ITGA11: variants seen among roughly 807,000 people sequenced by gnomAD.
ITGA11 encodes integrin subunit alpha 11, also known as integrin alpha-11.
Under a neutral mutation model 141.9 loss-of-function variants are expected in ITGA11, and 97 were observed. The ratio of observed to expected loss-of-function variants is 0.68; its 90% CI spans 0.58 to 0.81. ITGA11 has a LOEUF of 0.81. ITGA11 is among the 30% of genes least tolerant of loss of function. The pLI, the probability that ITGA11 is intolerant of heterozygous loss-of-function variation, is 0.00. For synonymous variants in ITGA11, 658 were observed against 624.6 expected (o/e 1.05, Z -0.80); for missense variants, 1,387 against 1,559.2 (o/e 0.89, Z 1.86).
intron 4 of ITGA11, 110 bp from the exon 5 acceptor site, chr15:68,361,814 C>CTGAGGGG: frequency 1.4e-6 from 1 of 708,808 alleles, no homozygotes; most frequent in Non-Finnish European, 2.4e-6. Context: ...AGACTTCTAT[C>CTGAGGGG]TGAGGGGTGA....
chr15:68,328,307 G>T lies in ITGA11; in HGVS notation c.1902-45C>A. The T allele has an allele frequency of 6.4e-7, 1 of 1,553,850 alleles. No homozygotes were observed. Among genetic ancestry groups the T allele is most frequent in the Non-Finnish European group, 8.8e-7 (1 of 1,135,824 alleles). ...GAGCTGGGGTGGGGCAGGGGCTCAG[G>T]CTGCCCTGCTGTGACCATGGGGAAA... On this transcript the variant is annotated intron_variant, in intron 15 of 29. Transcript: ENST00000315757. This position sits in a 1 kb window ranked among gnomAD's most constrained non-coding sequence, Gnocchi z 4.8.
chr15:68,296,910 A>C lies in ITGA11; in HGVS notation c.*6149T>G, dbSNP rs1892921746. 6.6e-6 allele frequency: 1 copy of C among 151,326 alleles called. No homozygotes were observed. Among genetic ancestry groups the C allele is most frequent in the African/African-American group, 2.4e-5 (1 of 41,074 alleles). 9.4% of individuals were successfully genotyped at this position (151,326 alleles called of 1,614,324 possible). Reference sequence around the variant, plus strand: ...TTTCTCCTTCTCTTCTTTGGTTTAAAATGTTGATTTTCCTATAATTTGTTT... The same window carrying C: ...TTTCTCCTTCTCTTCTTTGGTTTAACATGTTGATTTTCCTATAATTTGTTT... On this transcript the variant is annotated 3_prime_UTR_variant, in exon 30 of 30. Coordinates refer to ENST00000315757, the MANE Select transcript of ITGA11 (RefSeq NM_001004439.2).
chr15:68,412,594 C>T (rs1313681539), intron 1 of ITGA11, among the ~76,000 whole-genome samples: 1 of 151,982 alleles, frequency 6.6e-6, no homozygotes, highest in African/African-American at 2.4e-5. Flanking sequence ...ACACGAACTC[C>T]CCGTTAGACA....
At chr15:68,361,741 G>C in intron 4 of ITGA11, 37 bp from the exon 5 acceptor site, 2 of 1,434,988 alleles carry the variant, frequency 1.4e-6, no homozygotes, top group Non-Finnish European at 1.9e-6. Context: ...TCAGTGAGGG[G>C]ACCTCAGAGA....
At chr15:68,379,145 T>TCGTCTATC (rs1172523753) in intron 2 of ITGA11, among the ~76,000 whole-genome samples, 1 of 152,184 alleles carries the variant, frequency 6.6e-6, no homozygotes, top group Non-Finnish European at 1.5e-5. Context: ...ACGCGGCTGC[T>TCGTCTATC]CGTCTATCCG....
rs953391816 is a variant in ITGA11 at position 68,328,950 on chromosome 15, G to A, written c.1902-688C>T. On this transcript the variant is annotated intron_variant, in intron 15 of 29. Coordinates refer to ENST00000315757, the MANE Select transcript of ITGA11 (RefSeq NM_001004439.2). This position sits in a 1 kb window ranked among gnomAD's most constrained non-coding sequence, Gnocchi z 4.8. ...GAAATACAAATTTACCCTTATACCG[G>A]CCTAAGTCAAATGTAATTAGGAACG... Among the ~76,000 whole-genome samples, 1 of 152,130 alleles carries A rather than the reference G, an allele frequency of 6.6e-6. No homozygotes were observed. Among genetic ancestry groups the A allele is most frequent in the Non-Finnish European group, 1.5e-5 (1 of 68,028 alleles).
At chr15:68,369,362 T>G in intron 2 of ITGA11, 78 bp from the exon 3 acceptor site, 2 of 242,522 alleles carry the variant, frequency 8.2e-6, no homozygotes, top group Non-Finnish European at 7.7e-6. Flanking sequence ...TGGTGGGCAG[T>G]GTGGAGGTGA....
intron 2 of ITGA11, among the ~76,000 whole-genome samples, chr15:68,370,121 C>T (rs1448428254): frequency 2.6e-5 from 4 of 152,170 alleles, no homozygotes; most frequent in Non-Finnish European, 4.4e-5. Context: ...GAGTGCGGAC[C>T]TGGTGCTGCT....
chr15:68,307,299 C>G lies in ITGA11; in HGVS notation c.3381+49G>C. 1 of 1,372,232 alleles carries G rather than the reference C, an allele frequency of 7.3e-7. No individual in the cohort carries two copies. Among genetic ancestry groups the G allele is most frequent in the South Asian group, 1.2e-5 (1 of 80,312 alleles). The allele number at this position is 1,372,232 out of a possible 1,614,324, so 85.0% of individuals were successfully genotyped here. ...ATAGAGGAGCACGGCCAACCCTTTC[C>G]CAAGCTGTCCGGCCTAAGCCCAGTT... On this transcript the variant is annotated intron_variant, in intron 28 of 29. Transcript: ENST00000315757. The surrounding 1 kb of genome is among the most constrained non-coding windows in gnomAD (Gnocchi z 6.1).
intron 28 of ITGA11, among the ~76,000 whole-genome samples, chr15:68,306,022 TAAA>T (rs34840804): frequency 1.6e-5 from 2 of 128,024 alleles, no homozygotes; most frequent in East Asian, 2.3e-4. Flanking sequence ...CTGTCTCTAC[TAAA>T]AAAAAAAAAA....
At chr15:68,327,299 C>A (rs1183790724) in intron 16 of ITGA11, among the ~76,000 whole-genome samples, 2 of 152,236 alleles carry the variant, frequency 1.3e-5, no homozygotes, top group African/African-American at 2.4e-5. Flanking sequence ...CTGCTGCCTC[C>A]TCCCCTTCAG....
At chr15:68,371,004 G>A (rs1049238575) in intron 2 of ITGA11, among the ~76,000 whole-genome samples, 10 of 152,204 alleles carry the variant, frequency 6.6e-5, no homozygotes, top group East Asian at 1.9e-4. Flanking sequence ...GAAATTAAGC[G>A]TCTATGAAAT....
At position 68,344,124 on chromosome 15, in the gene ITGA11, A is replaced by G. The variant is rs146426095; in HGVS notation, c.1132-4480T>C. On this transcript the variant is annotated intron_variant, in intron 10 of 29. Coordinates refer to ENST00000315757, the MANE Select transcript of ITGA11 (RefSeq NM_001004439.2). ...GCCAGGCTTAGGAGGACCCGAATGA[A>G]CCAGAAATGATTCCTGCCACCAGGA... Among the ~76,000 whole-genome samples, 1,302 of 152,232 alleles carry G rather than the reference A, an allele frequency of 8.6e-3. 14 individuals carry two copies. The highest frequency in any genetic ancestry group is 0.014 in the Middle Eastern group (4 of 294).
Position 68,326,067 on chromosome 15 carries a change from A to G in ITGA11, c.2211+587T>C, listed in dbSNP as rs544519116. 6.6e-6 allele frequency among the ~76,000 whole-genome samples: 1 copy of G among 152,332 alleles called. No homozygotes were observed. Among genetic ancestry groups the G allele is most frequent in the East Asian group, 1.9e-4 (1 of 5,190 alleles). On this transcript the variant is annotated intron_variant, in intron 17 of 29. Coordinates refer to ENST00000315757, the MANE Select transcript of ITGA11 (RefSeq NM_001004439.2). The surrounding 1 kb of genome is among the most constrained non-coding windows in gnomAD (Gnocchi z 6.8). Reference sequence around the variant, plus strand: ...GATGCACCTTCTCAGACCTGCTCACATCTCTGAACTCTGGCCATTGAACTA... The same window carrying G: ...GATGCACCTTCTCAGACCTGCTCACGTCTCTGAACTCTGGCCATTGAACTA...
Position 68,364,702 on chromosome 15 carries a change from C to T in ITGA11, c.357+5G>A. ...TGACCCCAAGCAGTGGCAGGTGGCT[C>T]TTACCAGGAAGCTGTTGTCCTTGGG... On this transcript the variant is annotated splice_donor_5th_base_variant and intron_variant, in intron 4 of 29. Transcript: ENST00000315757. The T allele has an allele frequency of 1.3e-6, 2 of 1,594,242 alleles. No homozygotes were observed. Among genetic ancestry groups the T allele is most frequent in the South Asian group, 1.1e-5 (1 of 90,838 alleles).
At position 68,328,274 on chromosome 15, in the gene ITGA11, G is replaced by A; in HGVS notation, c.1902-12C>T. The A allele has an allele frequency of 6.2e-7, 1 of 1,611,082 alleles. No individual in the cohort carries two copies. Among genetic ancestry groups the A allele is most frequent in the Non-Finnish European group, 8.5e-7 (1 of 1,178,062 alleles). The stretch of plus-strand genomic sequence containing the variant: ...CCACTGGGCGGGACCTGGAGGAGAA[G>A]GGCCAGTGAGCTGGGGTGGGGCAGG... On this transcript the variant is annotated splice_polypyrimidine_tract_variant and intron_variant, in intron 15 of 29. Transcript: ENST00000315757. This position sits in a 1 kb window ranked among gnomAD's most constrained non-coding sequence, Gnocchi z 4.8.
At chr15:68,412,873 A>G (rs971841280) in intron 1 of ITGA11, among the ~76,000 whole-genome samples, 45 of 151,856 alleles carry the variant, frequency 3.0e-4, no homozygotes, top group African/African-American at 1.1e-3. Flanking sequence ...ACAGGGTTTC[A>G]TCATATTGGC....
intron 2 of ITGA11, among the ~76,000 whole-genome samples, chr15:68,397,732 AAAT>A (rs74214156): frequency 1.8e-5 from 1 of 55,244 alleles, no homozygotes; most frequent in Non-Finnish European, 3.5e-5. Flanking sequence ...ATTATATTTA[AAAT>A]ATTATATTTA....
intron 2 of ITGA11, 148 bp downstream of exon 2, chr15:68,402,770 C>T: frequency 1.7e-6 from 1 of 603,570 alleles, no homozygotes; most frequent in East Asian, 2.8e-5. Flanking sequence ...CCTGTGCAGT[C>T]TCTGACCTGC....
Sources: allele counts gnomAD v4.1 joint callset (sites outside exome capture counted in the v4.1 genomes callset), GRCh38; gene constraint gnomAD v4.1.1; non-coding constraint Gnocchi (gnomAD v3.1); transcripts MANE v1.5; gene names NCBI Gene and HGNC (gene_info 2026-07-23, HGNC 2026-07-21).